Variants in CACNB2 observed in about 807,000 individuals in gnomAD.
CACNB2 encodes calcium voltage-gated channel auxiliary subunit beta 2.
In CACNB2, 42 loss-of-function variants were observed where a neutral mutation model predicts 73.3. The observed-to-expected ratio is 0.57, with a 90% confidence interval of 0.45 to 0.74. CACNB2 has a LOEUF of 0.74. Among genes scored for constraint, CACNB2 ranks in the 30% least tolerant of loss-of-function variants. The probability of loss-of-function intolerance (pLI) is 0.00; values close to 1 mark genes in which losing one functional copy is unlikely to be tolerated. For synonymous variants in CACNB2, 348 were observed against 310.3 expected, an observed-to-expected ratio of 1.12 and a Z score of -1.28; for missense variants, 940 against 853.0, an observed-to-expected ratio of 1.10 and a Z score of -1.27.
intron 2 of CACNB2, among the ~76,000 whole-genome samples, chr10:18,388,547 G>GT (rs553263844): frequency 2.6e-5 from 4 of 151,990 alleles, no homozygotes; most frequent in Admixed American, 2.0e-4. Flanking sequence ...GGTGTAGCCT[G>GT]TTTTTTTAAT....
In CACNB2 at chr10:18,292,805, G is replaced by T. The variant is rs537877512; in HGVS notation, c.214-109119G>T. 2.6e-5 allele frequency among the ~76,000 whole-genome samples: 4 copies of T among 152,266 alleles called. No individual in the cohort carries two copies. In the South Asian group the frequency reaches 8.3e-4, roughly 32 times the overall value. On this transcript the variant is annotated intron_variant, in intron 2 of 13. Transcript: ENST00000324631. ...TCCTGCTATCATGTTAAGTGAGCTT[G>T]ATACATTAAAATTAACAGGCAAATG...
chr10:18,404,724 T>A (rs1428101050), intron 3 of CACNB2, among the ~76,000 whole-genome samples: 1 of 152,182 alleles, frequency 6.6e-6, no homozygotes, highest in Non-Finnish European at 1.5e-5. Flanking sequence ...TGCCTAATAA[T>A]ACCTCTGTGA....
chr10:18,500,810 A>G lies in CACNB2; in HGVS notation c.457-2A>G. 6.2e-7 allele frequency: 1 copy of G among 1,613,786 alleles called. No individual in the cohort carries two copies. The highest frequency in any genetic ancestry group is 8.5e-7 in the Non-Finnish European group (1 of 1,179,840). ...TTTTAATGCTTTTGATTTTGTGTTT[A>G]GAAATTTAACAATGACTGGTGGATA... On this transcript the variant is annotated splice_acceptor_variant, in intron 4 of 13. Coordinates refer to ENST00000324631, the MANE Select transcript of CACNB2 (RefSeq NM_201596.3). LOFTEE classifies it high-confidence loss of function.
chr10:18,499,042 T>A (rs1256601764), intron 4 of CACNB2, among the ~76,000 whole-genome samples: 1 of 152,190 alleles, frequency 6.6e-6, no homozygotes, highest in Non-Finnish European at 1.5e-5. Flanking sequence ...TAGTGAGCAA[T>A]GACACAACCT....
chr10:18,462,022 C>T (rs1381477569), intron 3 of CACNB2, among the ~76,000 whole-genome samples: 1 of 152,076 alleles, frequency 6.6e-6, no homozygotes, highest in East Asian at 1.9e-4. Context: ...ACCCTCACAG[C>T]CAGGAATCTA....
intron 3 of CACNB2, among the ~76,000 whole-genome samples, chr10:18,447,337 G>T (rs116386101): frequency 6.6e-6 from 1 of 152,336 alleles, no homozygotes; most frequent in African/African-American, 2.4e-5. Flanking sequence ...GCTAAGATGA[G>T]AGATTTGGAT....
At chr10:18,433,328 C>T (rs188481123) in intron 3 of CACNB2, among the ~76,000 whole-genome samples, 2 of 152,074 alleles carry the variant, frequency 1.3e-5, no homozygotes, top group African/African-American at 4.8e-5. Flanking sequence ...CACAAAAAAA[C>T]CAGTTTCTCT....
chr10:18,380,472 T>TG (rs2042970745), intron 2 of CACNB2, among the ~76,000 whole-genome samples: 1 of 148,934 alleles, frequency 6.7e-6, no homozygotes, highest in African/African-American at 2.5e-5. Flanking sequence ...TTTTTTTTTT[T>TG]GAGATGGAGT....
intron 7 of CACNB2, chr10:18,515,141 T>A: frequency 2.1e-6 from 2 of 939,110 alleles, no homozygotes; most frequent in Middle Eastern, 2.1e-4. Context: ...GTGCAGCCAG[T>A]GGTCATGCGT....
At chr10:18,310,605 C>CAAAAAAAAAAAAAAAAAAAAAAGAAA (rs2039920961) in intron 2 of CACNB2, among the ~76,000 whole-genome samples, 1 of 36,860 alleles carries the variant, frequency 2.7e-5, no homozygotes, top group Non-Finnish European at 4.5e-5. Flanking sequence ...AACTCCATCT[C>CAAAAAAAAAAAAAAAAAAAAAAGAAA]AAAAAAAAAA....
chr10:18,509,336 T>C (rs1319764981), intron 6 of CACNB2, among the ~76,000 whole-genome samples: 1 of 152,162 alleles, frequency 6.6e-6, no homozygotes, highest in Admixed American at 6.6e-5. Flanking sequence ...CTAAAGTATA[T>C]ATGCTTGGAT....
At chr10:18,241,515 A>G (rs1039399025) in intron 2 of CACNB2, among the ~76,000 whole-genome samples, 5 of 152,012 alleles carry the variant, frequency 3.3e-5, no homozygotes, top group African/African-American at 1.2e-4. Flanking sequence ...GCAAACCACC[A>G]TGGCATATGT....
At chr10:18,382,073 T>C (rs2043042871) in intron 2 of CACNB2, among the ~76,000 whole-genome samples, 1 of 152,088 alleles carries the variant, frequency 6.6e-6, no homozygotes, top group African/African-American at 2.4e-5. Flanking sequence ...AAATGTGTTA[T>C]AAATGATATA....
At chr10:18,235,015 C>A (rs1302616362) in intron 2 of CACNB2, among the ~76,000 whole-genome samples, 3 of 151,766 alleles carry the variant, frequency 2.0e-5, no homozygotes, top group African/African-American at 7.3e-5. Context: ...TGGTGGCGGG[C>A]GCCTGTAGTC....
intron 3 of CACNB2, among the ~76,000 whole-genome samples, chr10:18,430,102 T>C (rs16917341): frequency 0.015 from 2,213 of 150,012 alleles, 79 homozygotes; most frequent in South Asian, 0.12. Flanking sequence ...TTTACAATTA[T>C]TTACTTAAGC....
chr10:18,220,201 G>GTGTGTATATATA (rs1251166931), intron 2 of CACNB2, among the ~76,000 whole-genome samples: 1 of 23,304 alleles, frequency 4.3e-5, no homozygotes, highest in Non-Finnish European at 6.5e-5. Context: ...ATATGTGTGT[G>GTGTGTATATATA]TATATATATA....
chr10:18,457,720 G>A (rs567648532), intron 3 of CACNB2, among the ~76,000 whole-genome samples: 81 of 152,104 alleles, frequency 5.3e-4, no homozygotes, highest in East Asian at 9.7e-4. Flanking sequence ...GAGAAACCCC[G>A]TCTCTACTGA....
At chr10:18,171,417 C>G (rs1026027298) in intron 2 of CACNB2, among the ~76,000 whole-genome samples, 8 of 146,922 alleles carry the variant, frequency 5.4e-5, no homozygotes, top group African/African-American at 7.5e-5. Flanking sequence ...GTGTCTCCCC[C>G]GCATGGGTAT....
chr10:18,533,863 G>T (rs1041498392), intron 10 of CACNB2, among the ~76,000 whole-genome samples: 5 of 152,100 alleles, frequency 3.3e-5, no homozygotes, highest in Admixed American at 3.3e-4. Context: ...TTCTGTAGCC[G>T]GTTGACAGAA....
Sources: gnomAD v4.1 joint callset for allele counts (sites outside exome capture counted in the v4.1 genomes callset) on GRCh38, gnomAD v4.1.1 for gene constraint, MANE v1.5 for transcripts, NCBI Gene and HGNC (gene_info 2026-07-23, HGNC 2026-07-21) for gene names.